SPTSSA: variants seen among roughly 807,000 people sequenced by gnomAD.
The protein encoded by SPTSSA is small subunit of serine palmitoyltransferase A.
A neutral mutation model predicts 9.1 loss-of-function variants in SPTSSA; 8 were observed. That is an observed-to-expected ratio of 0.88 (90% CI 0.51 to 1.58). The LOEUF is 1.58. Ranked by LOEUF, SPTSSA falls within the 40% of genes most tolerant of loss-of-function variation. The probability of loss-of-function intolerance (pLI) is 0.00; values close to 1 mark genes in which losing one functional copy is unlikely to be tolerated. For missense variants in SPTSSA, 100 were observed against 93.8 expected, an observed-to-expected ratio of 1.07 and a Z score of -0.27; for synonymous variants, 42 against 37.7, an observed-to-expected ratio of 1.11 and a Z score of -0.41.
intron 1 of SPTSSA, among the ~76,000 whole-genome samples, chr14:34,451,919 G>A (rs753977082): frequency 9.2e-5 from 14 of 151,988 alleles, no homozygotes; most frequent in Non-Finnish European, 1.8e-4. Context: ...GCCCCAAACA[G>A]GAAAGCTTCC....
intron 1 of SPTSSA, among the ~76,000 whole-genome samples, chr14:34,456,159 A>G (rs1355177833): frequency 1.3e-5 from 2 of 151,958 alleles, no homozygotes; most frequent in Non-Finnish European, 2.9e-5. Flanking sequence ...CGTCTCTACT[A>G]AAAAAACAAA....
chr14:34,460,231 G>A (rs534708434), intron 1 of SPTSSA, among the ~76,000 whole-genome samples: 5 of 152,136 alleles, frequency 3.3e-5, no homozygotes, highest in African/African-American at 1.2e-4. Flanking sequence ...TCAAACAATT[G>A]CATTTCTAAC....
intron 1 of SPTSSA, among the ~76,000 whole-genome samples, chr14:34,444,714 T>C (rs1386675547): frequency 6.7e-6 from 1 of 150,344 alleles, no homozygotes; most frequent in Non-Finnish European, 1.5e-5. Flanking sequence ...ATCGCACCAT[T>C]GTACTCCAGC....
At position 34,454,785 on chromosome 14, in the gene SPTSSA, C is replaced by A. The variant is rs546127882; in HGVS notation, c.112+7311G>T. On this transcript the variant is annotated intron_variant, in intron 1 of 1. Coordinates refer to ENST00000298130, the MANE Select transcript of SPTSSA (RefSeq NM_138288.4). ...CACTTCTCCCACATTACTTCCTAATCTTACAATTGTTCATTTCCCAGACAG... is the reference window on the plus strand; with the variant it reads ...CACTTCTCCCACATTACTTCCTAATATTACAATTGTTCATTTCCCAGACAG... 3.9e-5 allele frequency among the ~76,000 whole-genome samples: 6 copies of A among 152,272 alleles called. No homozygotes were observed. In the South Asian group the frequency reaches 1.2e-3, roughly 32 times the overall value.
rs775781106 is a variant in SPTSSA, at chr14:34,443,171, G to GTGTGTGTGTGTGTGTTTT, written c.113-7868_113-7867insAAAACACACACACACACA. On this transcript the variant is annotated intron_variant, in intron 1 of 1. Transcript: ENST00000298130. The stretch of plus-strand genomic sequence containing the variant: ...TGTGTGTGTGTGTGTGTGTGTGTGT[G>GTGTGTGTGTGTGTGTTTT]TTTTGAGATTGAGTTTTCCTCTAGG... 3.2e-4 allele frequency among the ~76,000 whole-genome samples: 20 copies of GTGTGTGTGTGTGTGTTTT among 62,126 alleles called. 1 individual carries two copies. The East Asian group carries it at 4.3e-3, about 13-fold the overall frequency. 40.8% of individuals were successfully genotyped at this position (62,126 alleles called of 152,430 possible).
intron 1 of SPTSSA, among the ~76,000 whole-genome samples, chr14:34,451,559 T>TA (rs1455023866): frequency 1.6e-4 from 24 of 151,930 alleles, no homozygotes; most frequent in Admixed American, 1.0e-3. Flanking sequence ...CCGTCTCTAC[T>TA]AAAAATACAA....
chr14:34,436,373 G>A (rs1197847680), intron 1 of SPTSSA, among the ~76,000 whole-genome samples: 2 of 152,122 alleles, frequency 1.3e-5, no homozygotes, highest in South Asian at 2.1e-4. Context: ...AAATCTAAGG[G>A]CTTTTGGCTT....
In SPTSSA at chr14:34,433,577, G is replaced by A. The variant is rs781713857; in HGVS notation, c.*1624C>T. 3.3e-5 allele frequency: 5 copies of A among 151,862 alleles called. No homozygotes were observed. The highest frequency in any genetic ancestry group is 7.4e-5 in the Non-Finnish European group (5 of 67,990). 9.4% of individuals were successfully genotyped at this position (151,862 alleles called of 1,614,324 possible). ...CTCCTATCTAATTGTGGTATCAATT[G>A]GCTCTAAAAATATTAAACACATATA... On this transcript the variant is annotated 3_prime_UTR_variant, in exon 2 of 2. Coordinates refer to ENST00000298130, the MANE Select transcript of SPTSSA (RefSeq NM_138288.4).
At chr14:34,449,488 C>T (rs573210191) in intron 1 of SPTSSA, among the ~76,000 whole-genome samples, 2 of 150,784 alleles carry the variant, frequency 1.3e-5, no homozygotes, top group Non-Finnish European at 2.9e-5. Flanking sequence ...GCGTGAGCCA[C>T]TGCACCCGGC....
At chr14:34,435,452 GATA>G (rs1883225477) in intron 1 of SPTSSA, 148 bp from the exon 2 acceptor site, 1 of 536,714 alleles carries the variant, frequency 1.9e-6, no homozygotes, top group Admixed American at 3.3e-5. Context: ...CAACAAGAAT[GATA>G]ATACTAGCCA....
intron 1 of SPTSSA, among the ~76,000 whole-genome samples, chr14:34,435,676 C>G (rs4982178): frequency 0.13 from 16,764 of 129,984 alleles, 1,126 homozygotes; most frequent in East Asian, 0.29. Context: ...TTACCCAAGG[C>G]TGGAGTGTAA....
At chr14:34,453,046 C>T (rs372015976) in intron 1 of SPTSSA, among the ~76,000 whole-genome samples, 11 of 152,222 alleles carry the variant, frequency 7.2e-5, no homozygotes, top group African/African-American at 2.4e-4. Context: ...CTCTAGCTTA[C>T]GTTACTATAA....
At chr14:34,436,935 TAAAAA>T (rs113399233) in intron 1 of SPTSSA, among the ~76,000 whole-genome samples, 9,160 of 144,190 alleles carry the variant, frequency 0.064, 450 homozygotes, top group African/African-American at 0.14. Flanking sequence ...CTAATTTCTT[TAAAAA>T]AAAAAAAAGA....
At position 34,435,045 on chromosome 14, in the gene SPTSSA, G is replaced by A. The variant is rs1427097364; in HGVS notation, c.*156C>T. 1 of 511,346 alleles carries A rather than the reference G, an allele frequency of 2.0e-6. No homozygotes were observed. Among genetic ancestry groups the A allele is most frequent in the Non-Finnish European group, 3.5e-6 (1 of 283,892 alleles). The allele number at this position is 511,346 out of a possible 1,614,324, so 31.7% of individuals were successfully genotyped here. ...TAAAAATAAAGAACACAACACATGA[G>A]TCAGGATGATTTTCCTGTTCTACTC... On this transcript the variant is annotated 3_prime_UTR_variant, in exon 2 of 2. Coordinates refer to ENST00000298130, the MANE Select transcript of SPTSSA (RefSeq NM_138288.4).
At chr14:34,435,623 CTTTTT>C (rs769896697) in intron 1 of SPTSSA, among the ~76,000 whole-genome samples, 4 of 92,444 alleles carry the variant, frequency 4.3e-5, no homozygotes, top group Admixed American at 1.3e-4. Flanking sequence ...GTTTGTTTCT[CTTTTT>C]TTTTTTTTTT....
chr14:34,450,079 A>G (rs1883493518), intron 1 of SPTSSA, among the ~76,000 whole-genome samples: 1 of 152,216 alleles, frequency 6.6e-6, no homozygotes, highest in Non-Finnish European at 1.5e-5. Context: ...CTCCTTATCA[A>G]TAAAATGTGG....
chr14:34,448,415 A>T (rs1594622145), intron 1 of SPTSSA, among the ~76,000 whole-genome samples: 1 of 151,348 alleles, frequency 6.6e-6, no homozygotes, highest in Non-Finnish European at 1.5e-5. Flanking sequence ...ATCACATCTC[A>T]AAGTGGGGAG....
rs2138812958 is a variant in SPTSSA at position 34,433,569 on chromosome 14, T to C, written c.*1632A>G. 1 of 152,268 alleles carries C rather than the reference T, an allele frequency of 6.6e-6. No homozygotes were observed. Among genetic ancestry groups the C allele is most frequent in the Non-Finnish European group, 1.5e-5 (1 of 68,018 alleles). The allele number at this position is 152,268 out of a possible 1,614,324, so 9.4% of individuals were successfully genotyped here. On this transcript the variant is annotated 3_prime_UTR_variant, in exon 2 of 2. Transcript: ENST00000298130. ...TCTCACTACTCCTATCTAATTGTGGTATCAATTGGCTCTAAAAATATTAAA... is the reference window on the plus strand; with the variant it reads ...TCTCACTACTCCTATCTAATTGTGGCATCAATTGGCTCTAAAAATATTAAA...
intron 1 of SPTSSA, among the ~76,000 whole-genome samples, chr14:34,457,099 C>T (rs545370908): frequency 6.6e-6 from 1 of 151,776 alleles, no homozygotes; most frequent in South Asian, 2.1e-4. Flanking sequence ...CTGCCTCAGC[C>T]TCCCATGTAG....
Sources: allele counts gnomAD v4.1 joint callset (sites outside exome capture counted in the v4.1 genomes callset), GRCh38; gene constraint gnomAD v4.1.1; transcripts MANE v1.5; gene names NCBI Gene and HGNC (gene_info 2026-07-23, HGNC 2026-07-21).